Variants in MYO9B observed in about 807,000 individuals in gnomAD.
MYO9B encodes the protein unconventional myosin-IXb.
In MYO9B, 71 loss-of-function variants were observed where a neutral mutation model predicts 229.5. The ratio of observed to expected loss-of-function variants is 0.31; its 90% CI spans 0.26 to 0.38. The LOEUF (loss-of-function observed/expected upper bound fraction) is 0.38. MYO9B is among the 10% of genes least tolerant of loss of function. The pLI is 1.00. For missense variants in MYO9B, 2,255 were observed against 2,920.5 expected (o/e 0.77, Z 5.25); for synonymous variants, 1,185 against 1,235.8 (o/e 0.96, Z 0.86).
chr19:17,206,255 A>G lies in MYO9B; in HGVS notation c.5265A>G (p.Ala1755=), dbSNP rs1381298008. 4.7e-6 allele frequency: 2 copies of G among 429,118 alleles called. No individual in the cohort carries two copies. Among genetic ancestry groups the G allele is most frequent in the South Asian group, 3.6e-5 (2 of 56,094 alleles). The allele number at this position is 429,118 out of a possible 1,614,324, so 26.6% of individuals were successfully genotyped here. ...ACCCCACCCACCCCACAGACCCCGC[A>G]GCAGTCAAGCTGGAGAACTTCCCCA... The part of the protein sequence containing the change: ...ELRQALQTDP[A]AVKLENFPIH... Residue 1755 remains alanine, a synonymous_variant, in exon 33 of 40, where the codon GCA becomes GCG. Coordinates refer to ENST00000682292, the MANE Select transcript of MYO9B (RefSeq NM_004145.4).
At chr19:17,121,348 G>A (rs1369010090) in intron 2 of MYO9B, among the ~76,000 whole-genome samples, 7 of 152,144 alleles carry the variant, frequency 4.6e-5, no homozygotes, top group African/African-American at 1.7e-4. Flanking sequence ...ACTGGGGTTC[G>A]GGAGATGAGG....
rs537346148 is a variant in MYO9B, at chr19:17,206,501, G to A, written c.5386+125G>A. 6.4e-5 allele frequency: 92 copies of A among 1,435,036 alleles called. No homozygotes were observed. In the East Asian group the frequency reaches 7.1e-4, roughly 11 times the overall value. 88.9% of individuals were successfully genotyped at this position (1,435,036 alleles called of 1,614,324 possible). A position where few individuals can be genotyped will look rare whatever the true frequency, so the allele number is the denominator to read the frequency against. On this transcript the variant is annotated intron_variant, in intron 33 of 39. Coordinates refer to ENST00000682292, the MANE Select transcript of MYO9B (RefSeq NM_004145.4). ...TGAGAAACTGAGGCCCAAAGCAGTC[G>A]GCCCAGCCAAACCGGGTCCCCAGTT...
At chr19:17,102,699 A>ACT (rs777860670) in intron 2 of MYO9B, 142 bp downstream of exon 2, 115 of 1,221,470 alleles carry the variant, frequency 9.4e-5, no homozygotes, top group Non-Finnish European at 1.1e-4. Context: ...CCAGGAGTTC[A>ACT]AGATCAGCCT....
At chr19:17,155,627 T>G (rs1336722989) in intron 6 of MYO9B, among the ~76,000 whole-genome samples, 1 of 151,474 alleles carries the variant, frequency 6.6e-6, no homozygotes, top group Non-Finnish European at 1.5e-5. Flanking sequence ...TTTTAAATTA[T>G]CCAGGCATGG....
intron 2 of MYO9B, among the ~76,000 whole-genome samples, chr19:17,124,963 A>G (rs2058001570): frequency 6.6e-6 from 1 of 152,012 alleles, no homozygotes; most frequent in South Asian, 2.1e-4. Flanking sequence ...AGCTGAGAAA[A>G]AAGAACAAAG....
intron 2 of MYO9B, among the ~76,000 whole-genome samples, chr19:17,124,279 G>A (rs755527319): frequency 1.3e-5 from 2 of 151,966 alleles, no homozygotes. Flanking sequence ...GATCACTTGA[G>A]CCCAAGAGTT....
chr19:17,210,102 G>A (rs1450929606), intron 36 of MYO9B, among the ~76,000 whole-genome samples: 1 of 152,174 alleles, frequency 6.6e-6, no homozygotes, highest in African/African-American at 2.4e-5. Flanking sequence ...TGGTGGTTCA[G>A]GTCATGCGTC....
At chr19:17,085,861 A>C (rs1307089902) in intron 1 of MYO9B, among the ~76,000 whole-genome samples, 1 of 152,114 alleles carries the variant, frequency 6.6e-6, no homozygotes, top group Non-Finnish European at 1.5e-5. Flanking sequence ...ATTGCACAGC[A>C]GGATACAAGG....
intron 6 of MYO9B, among the ~76,000 whole-genome samples, chr19:17,156,544 A>AC (rs890590361): frequency 6.6e-5 from 10 of 152,044 alleles, no homozygotes; most frequent in African/African-American, 2.2e-4. Flanking sequence ...ACATAGCAAG[A>AC]CCCCATCCCT....
Position 17,212,495 on chromosome 19 carries a change from C to A in MYO9B, c.*185C>A. 2 of 634,546 alleles carry A rather than the reference C, an allele frequency of 3.2e-6. No homozygotes were observed. Among genetic ancestry groups the A allele is most frequent in the Non-Finnish European group, 5.0e-6 (2 of 402,110 alleles). The allele number at this position is 634,546 out of a possible 1,614,324, so 39.3% of individuals were successfully genotyped here. A position where few individuals can be genotyped will look rare whatever the true frequency, so the allele number is the denominator to read the frequency against. On this transcript the variant is annotated 3_prime_UTR_variant, in exon 40 of 40. Coordinates refer to ENST00000682292, the MANE Select transcript of MYO9B (RefSeq NM_004145.4). This position sits in a 1 kb window ranked among gnomAD's most constrained non-coding sequence, Gnocchi z 5.4. Reference sequence around the variant, plus strand: ...CAGGGAGAGGCCGGCTGGAGCCAGGCCCCCTCGCACGCAGCCCCCAAATCA... The same window carrying A: ...CAGGGAGAGGCCGGCTGGAGCCAGGACCCCTCGCACGCAGCCCCCAAATCA...
rs376239795 is a variant in MYO9B, at chr19:17,194,613, G to A, written c.3186G>A (p.Leu1062=). 1.9e-6 allele frequency: 3 copies of A among 1,612,812 alleles called. No individual in the cohort carries two copies. Among genetic ancestry groups the A allele is most frequent in the Non-Finnish European group, 2.5e-6 (3 of 1,179,890 alleles). ...CAGAAGAGAAGGAGAGGGAAGCCCT[G>A]GAAGCCGCAAGAGCAGGTGCTGAGG... The part of the protein sequence containing the change: ...QKAEEKEREA[L]EAARAGAEEG... The change falls in exon 22 of 40, where the codon CTG becomes CTA. Residue 1062 remains leucine (L), a synonymous_variant. Transcript: ENST00000682292.
chr19:17,202,792 G>T (rs1373011391), intron 28 of MYO9B, 50 bp from the exon 29 acceptor site: 14 of 1,544,110 alleles, frequency 9.1e-6, no homozygotes, highest in Non-Finnish European at 1.2e-5. Flanking sequence ...GGTGGGTTGG[G>T]GCTCTTCCCA....
chr19:17,187,186 C>G (rs2072927784), intron 18 of MYO9B, among the ~76,000 whole-genome samples: 1 of 152,202 alleles, frequency 6.6e-6, no homozygotes, highest in Non-Finnish European at 1.5e-5. Context: ...CCATCAGACC[C>G]TTGGCTTCTT....
chr19:17,198,408 C>G, intron 24 of MYO9B, 100 bp downstream of exon 24: 3 of 1,506,088 alleles, frequency 2.0e-6, no homozygotes, highest in African/African-American at 1.4e-5. Flanking sequence ...ATCACGTTTA[C>G]AAAGCACGTT....
At chr19:17,119,683 G>T (rs1309756426) in intron 2 of MYO9B, among the ~76,000 whole-genome samples, 1 of 152,032 alleles carries the variant, frequency 6.6e-6, no homozygotes, top group Non-Finnish European at 1.5e-5. Flanking sequence ...ACAGAGTCTC[G>T]TTCTGTCACC....
At chr19:17,079,478 T>G (rs914493503) in intron 1 of MYO9B, among the ~76,000 whole-genome samples, 1 of 152,222 alleles carries the variant, frequency 6.6e-6, no homozygotes, top group East Asian at 1.9e-4. Context: ...GCTTTTCTTC[T>G]GAGATTAGAG....
At chr19:17,123,313 T>C (rs2057982320) in intron 2 of MYO9B, among the ~76,000 whole-genome samples, 1 of 152,176 alleles carries the variant, frequency 6.6e-6, no homozygotes, top group Non-Finnish European at 1.5e-5. Context: ...GCACATTACA[T>C]GTGGCAAAGA....
rs775579348 is a variant in MYO9B at position 17,195,355 on chromosome 19, G to A, written c.3928G>A (p.Val1310Met). The change falls in exon 22 of 40, where the codon GTG becomes ATG. Residue 1310 changes from valine (V) to methionine (M), a missense_variant. Physicochemically the swap from Val to Met is conservative, Grantham distance 21. Coordinates refer to ENST00000682292, the MANE Select transcript of MYO9B (RefSeq NM_004145.4). The surrounding 1 kb of genome is among the most constrained non-coding windows in gnomAD (Gnocchi z 4.5). The stretch of plus-strand genomic sequence containing the variant: ...GGACGCCGAGCGGCTGGCCAGCGCC[G>A]TGGAACTGTGGCGGGGCAAGAAGCT... ...YLDAERLASA[V>M]ELWRGKKLVA... 102 of 1,611,920 alleles carry A rather than the reference G, an allele frequency of 6.3e-5. No individual in the cohort carries two copies. The highest frequency in any genetic ancestry group is 4.9e-4 in the Middle Eastern group (3 of 6,076).
intron 3 of MYO9B, among the ~76,000 whole-genome samples, chr19:17,147,635 T>TA (rs1482874081): frequency 1.3e-5 from 2 of 149,140 alleles, no homozygotes; most frequent in African/African-American, 4.9e-5. Context: ...ATCCAGAAAT[T>TA]ACAAGTGTGA....
Sources: gnomAD v4.1 joint callset for allele counts (sites outside exome capture counted in the v4.1 genomes callset) on GRCh38, gnomAD v4.1.1 for gene constraint, Gnocchi (gnomAD v3.1) non-coding constraint, MANE v1.5 for transcripts, NCBI Gene and HGNC (gene_info 2026-07-23, HGNC 2026-07-21) for gene names.